Variants in GMPR observed in about 807,000 individuals in gnomAD.
GMPR encodes the protein GMP reductase 1.
GMPR carries 31 observed loss-of-function variants against 38.4 expected under a neutral mutation model. That is an observed-to-expected ratio of 0.81 (90% CI 0.61 to 1.09). The LOEUF (loss-of-function observed/expected upper bound fraction) is 1.09. Ranked by LOEUF, GMPR falls within the 50% of genes least tolerant of loss-of-function variation. The pLI is 0.00. For synonymous variants in GMPR, 162 were observed against 173.3 expected (o/e 0.93, Z 0.51); for missense variants, 468 against 453.7 (o/e 1.03, Z -0.29).
chr6:16,275,166 C>A (rs1196455708), intron 5 of GMPR, among the ~76,000 whole-genome samples: 1 of 152,110 alleles, frequency 6.6e-6, no homozygotes, highest in Non-Finnish European at 1.5e-5. Flanking sequence ...AGATGAGCTG[C>A]CATGTTTTAA....
chr6:16,253,878 G>A (rs1218773934), intron 3 of GMPR, among the ~76,000 whole-genome samples: 1 of 151,998 alleles, frequency 6.6e-6, no homozygotes, highest in African/African-American at 2.4e-5. Flanking sequence ...GTCCTCCCTT[G>A]AGTTTCCCTG....
intron 4 of GMPR, among the ~76,000 whole-genome samples, chr6:16,270,213 G>T (rs1211918395): frequency 6.6e-6 from 1 of 152,188 alleles, no homozygotes; most frequent in African/African-American, 2.4e-5. Context: ...ACACAGAATT[G>T]TTGCCTTCCA....
At chr6:16,241,890 T>C (rs1758655042) in intron 1 of GMPR, among the ~76,000 whole-genome samples, 1 of 151,942 alleles carries the variant, frequency 6.6e-6, no homozygotes, top group South Asian at 2.1e-4. Context: ...TACAGGCACC[T>C]ACCACGCTCT....
chr6:16,294,091 C>T (rs1371098436), intron 8 of GMPR, among the ~76,000 whole-genome samples: 1 of 152,202 alleles, frequency 6.6e-6, no homozygotes, highest in Non-Finnish European at 1.5e-5. Flanking sequence ...AAGAGAGGGA[C>T]ATGGGCTCAG....
In GMPR at chr6:16,295,231, C is replaced by T; in HGVS notation, c.*45C>T. The T allele has an allele frequency of 1.4e-6, 2 of 1,387,676 alleles. No individual in the cohort carries two copies. Among genetic ancestry groups the T allele is most frequent in the Non-Finnish European group, 1.9e-6 (2 of 1,043,554 alleles). The allele number at this position is 1,387,676 out of a possible 1,614,324, so 86.0% of individuals were successfully genotyped here. Reference sequence around the variant, plus strand: ...TCTGGCTCGAGTGGAAGCGTCCAAACCTGCTTTTCCCATCTCCCCCCAAGT... The same window carrying T: ...TCTGGCTCGAGTGGAAGCGTCCAAATCTGCTTTTCCCATCTCCCCCCAAGT... On this transcript the variant is annotated 3_prime_UTR_variant, in exon 9 of 9. Transcript: ENST00000259727.
At chr6:16,283,329 A>T (rs1759611095) in intron 6 of GMPR, among the ~76,000 whole-genome samples, 1 of 152,228 alleles carries the variant, frequency 6.6e-6, no homozygotes, top group Non-Finnish European at 1.5e-5. Flanking sequence ...ATGAATGTTT[A>T]TGTGTGAAGA....
chr6:16,238,803 A>G, intron 1 of GMPR, 23 bp downstream of exon 1: 1 of 1,369,228 alleles, frequency 7.3e-7, no homozygotes, highest in Non-Finnish European at 9.8e-7. Flanking sequence ...CGGAAGTCGC[A>G]GTGGGGTGGG....
chr6:16,289,900 C>G (rs914043603), intron 7 of GMPR: 1 of 107,060 alleles, frequency 9.3e-6, no homozygotes, highest in African/African-American at 4.0e-5. Flanking sequence ...GACGGAGTCT[C>G]CCTCTGTTGC....
At chr6:16,290,686 G>A in intron 8 of GMPR, 65 bp downstream of exon 8, 1 of 1,425,982 alleles carries the variant, frequency 7.0e-7, no homozygotes, top group Non-Finnish European at 9.9e-7. Context: ...GAGATGGGAT[G>A]GAAGCAGGTC....
chr6:16,291,701 G>A lies in GMPR; in HGVS notation c.857+1080G>A, dbSNP rs78294506. 1.1e-3 allele frequency among the ~76,000 whole-genome samples: 168 copies of A among 152,156 alleles called. 1 individual carries two copies. In the East Asian group the frequency reaches 0.029, roughly 26 times the overall value. On this transcript the variant is annotated intron_variant, in intron 8 of 8. Coordinates refer to ENST00000259727, the MANE Select transcript of GMPR (RefSeq NM_006877.4). ...CAAGGTTGGAGGACTGCTTGAGACC[G>A]GGAGTTCCAGATGAGCCTAGGCAAC... is the stretch of plus-strand genomic sequence containing the variant.
intron 7 of GMPR, among the ~76,000 whole-genome samples, chr6:16,289,266 A>G (rs1043183772): frequency 7.9e-5 from 12 of 152,286 alleles, no homozygotes; most frequent in Admixed American, 2.0e-4. Flanking sequence ...GTGAGAGTCT[A>G]TGGCTTCATT....
chr6:16,243,073 G>T (rs747390109), intron 1 of GMPR, among the ~76,000 whole-genome samples: 1 of 149,180 alleles, frequency 6.7e-6, no homozygotes, highest in East Asian at 1.9e-4. Flanking sequence ...TTTTGGGGGC[G>T]GGGGGGAGAC....
intron 7 of GMPR, among the ~76,000 whole-genome samples, chr6:16,289,027 G>A (rs1442185561): frequency 3.9e-5 from 6 of 152,236 alleles, no homozygotes; most frequent in Non-Finnish European, 8.8e-5. Context: ...GGCTGCCGGA[G>A]CCAGCAGTGG....
chr6:16,293,538 G>T (rs1759878207), intron 8 of GMPR, among the ~76,000 whole-genome samples: 1 of 152,166 alleles, frequency 6.6e-6, no homozygotes, highest in Non-Finnish European at 1.5e-5. Context: ...TCTAGATAAT[G>T]AATGTCTGGT....
At chr6:16,250,784 G>C (rs949806222) in intron 3 of GMPR, among the ~76,000 whole-genome samples, 1 of 152,104 alleles carries the variant, frequency 6.6e-6, no homozygotes, top group Non-Finnish European at 1.5e-5. Context: ...GGTCATGCCT[G>C]TAATCCCAGC....
chr6:16,280,037 G>T (rs1430129571), intron 6 of GMPR, among the ~76,000 whole-genome samples: 1 of 152,184 alleles, frequency 6.6e-6, no homozygotes. Context: ...GTAGGTGCTT[G>T]GGGGGCACTG....
In GMPR at chr6:16,250,323, G is replaced by A. The variant is rs747349583; in HGVS notation, c.247G>A (p.Asp83Asn). 15 of 1,611,158 alleles carry A rather than the reference G, an allele frequency of 9.3e-6. No individual in the cohort carries two copies. The East Asian group carries it at 3.1e-4, about 34-fold the overall frequency. Reference protein sequence around the residue: ...FTAIHKHYSLDDWKLFATNHP... With the variant: ...FTAIHKHYSLNDWKLFATNHP... The stretch of plus-strand genomic sequence containing the variant: ...AGCAATTCATAAGCATTACTCCCTG[G>A]ATGACTGGAAGCTCTTTGCCACAAA... The change falls in exon 3 of 9, where the codon GAT (aspartate) becomes AAT (asparagine). Residue 83 changes from aspartate to asparagine, a missense_variant. Physicochemically the swap from Asp to Asn is conservative, Grantham distance 23. Transcript: ENST00000259727.
intron 6 of GMPR, among the ~76,000 whole-genome samples, chr6:16,279,858 C>T (rs1759545906): frequency 6.6e-6 from 1 of 152,158 alleles, no homozygotes; most frequent in Non-Finnish European, 1.5e-5. Context: ...GAGTGCCCAA[C>T]TCACTGCCTT....
At chr6:16,248,269 T>C (rs928902488) in intron 2 of GMPR, among the ~76,000 whole-genome samples, 29 of 142,350 alleles carry the variant, frequency 2.0e-4, no homozygotes, top group Admixed American at 2.1e-4. Context: ...ATTCATTGTA[T>C]AGATCAATCT....
Sources: gnomAD v4.1 joint callset for allele counts (sites outside exome capture counted in the v4.1 genomes callset) on GRCh38, gnomAD v4.1.1 for gene constraint, MANE v1.5 for transcripts, NCBI Gene and HGNC (gene_info 2026-07-23, HGNC 2026-07-21) for gene names.